TNR: variants seen among roughly 807,000 people sequenced by gnomAD.
TNR encodes the protein tenascin-R.
In TNR, 45 loss-of-function variants were observed where a neutral mutation model predicts 150.4. The observed-to-expected ratio is 0.30, with a 90% CI of 0.24 to 0.38. The LOEUF (loss-of-function observed/expected upper bound fraction) is 0.38, where lower values mean the gene tolerates loss of function less well. Among genes scored for constraint, TNR ranks in the 10% least tolerant of loss-of-function variants. The probability of loss-of-function intolerance (pLI) is 1.00; values close to 1 mark genes in which losing one functional copy is unlikely to be tolerated. For synonymous variants in TNR, 687 were observed against 678.4 expected (o/e 1.01, Z -0.20); for missense variants, 1,544 against 1,759.1 (o/e 0.88, Z 2.19).
At chr1:175,644,650 C>G (rs1043951638) in intron 1 of TNR, among the ~76,000 whole-genome samples, 1 of 152,246 alleles carries the variant, frequency 6.6e-6, no homozygotes, top group African/African-American at 2.4e-5. Flanking sequence ...TTCTATGCAA[C>G]CAGGCTAGGC....
chr1:175,539,371 A>G (rs918148683), intron 1 of TNR, among the ~76,000 whole-genome samples: 13 of 152,220 alleles, frequency 8.5e-5, no homozygotes, highest in Admixed American at 6.5e-4. Flanking sequence ...AGACATGTCC[A>G]CATGGTTTTG....
At chr1:175,576,028 C>T (rs193172925) in intron 1 of TNR, among the ~76,000 whole-genome samples, 17 of 152,244 alleles carry the variant, frequency 1.1e-4, no homozygotes, top group Middle Eastern at 6.8e-3. Flanking sequence ...CTATTTTTTC[C>T]CCTCATTCTC....
chr1:175,706,773 G>A (rs1030810696), intron 1 of TNR, among the ~76,000 whole-genome samples: 7 of 152,034 alleles, frequency 4.6e-5, no homozygotes, highest in African/African-American at 1.7e-4. Flanking sequence ...TACATAAACA[G>A]CCCTTCAAAT....
Position 175,406,752 on chromosome 1 carries a change from A to G in TNR, c.-38T>C. On this transcript the variant is annotated 5_prime_UTR_variant, in exon 3 of 23. Transcript: ENST00000367674. The stretch of plus-strand genomic sequence containing the variant: ...AGATCTGGGTTCAGGACCAGCCTGC[A>G]GCACACAGCATGGAGTTGTGGGAAT... 1 of 1,601,178 alleles carries G rather than the reference A, an allele frequency of 6.2e-7. No individual in the cohort carries two copies. The highest frequency in any genetic ancestry group is 8.5e-7 in the Non-Finnish European group (1 of 1,173,716).
intron 1 of TNR, among the ~76,000 whole-genome samples, chr1:175,616,056 A>G (rs928629926): frequency 2.0e-5 from 3 of 152,368 alleles, no homozygotes; most frequent in East Asian, 3.9e-4. Context: ...TGGCATGTGC[A>G]TAGGCTCTGT....
intron 1 of TNR, among the ~76,000 whole-genome samples, chr1:175,720,692 C>T (rs1035101539): frequency 5.9e-5 from 9 of 152,200 alleles, no homozygotes; most frequent in African/African-American, 2.2e-4. Context: ...TGCAACAAGG[C>T]TTCCAGAGGC....
intron 9 of TNR, 128 bp from the exon 10 acceptor site, chr1:175,367,425 T>C (rs1293229362): frequency 1.7e-5 from 13 of 760,120 alleles, no homozygotes; most frequent in Non-Finnish European, 2.9e-5. Context: ...AATCCTCTCC[T>C]AATTTGAACT....
At chr1:175,615,570 G>A (rs1663747030) in intron 1 of TNR, among the ~76,000 whole-genome samples, 2 of 152,198 alleles carry the variant, frequency 1.3e-5, no homozygotes, top group African/African-American at 4.8e-5. Context: ...GAGCCTATGT[G>A]TCTCCTTACG....
Position 175,599,567 on chromosome 1 carries a change from G to T in TNR, c.-164-71198C>A, listed in dbSNP as rs746349933. On this transcript the variant is annotated intron_variant, in intron 1 of 22. Transcript: ENST00000367674. The surrounding 1 kb of genome is among the most constrained non-coding windows in gnomAD (Gnocchi z 4.7). ...GGGGTCTCTGCTGGGCTAGTGTCCC[G>T]CATCAGCGGTAATGGGGCCGGCCCA... Among the ~76,000 whole-genome samples, 1 of 152,206 alleles carries T rather than the reference G, an allele frequency of 6.6e-6. No individual in the cohort carries two copies. The highest frequency in any genetic ancestry group is 1.9e-4 in the East Asian group (1 of 5,188).
In TNR at chr1:175,403,326, G is replaced by T; in HGVS notation, c.790C>A (p.Leu264Met). Residue 264 changes from leucine to methionine, a missense_variant, in exon 4 of 23, where the codon CTG (leucine) becomes ATG (methionine). Physicochemically the swap from Leu to Met is conservative, Grantham distance 15. Coordinates refer to ENST00000367674, the MANE Select transcript of TNR (RefSeq NM_003285.3). ...EPYTGEDCRE[L>M]RCPGDCSGKG... is the part of the protein sequence containing the mutation. ...CCCGAACAGTCCCCAGGGCACCTCA[G>T]TTCCCTGCAGTCCTCGCCAGTGTAG... 1 of 1,614,150 alleles carries T rather than the reference G, an allele frequency of 6.2e-7. No homozygotes were observed. The highest frequency in any genetic ancestry group is 8.5e-7 in the Non-Finnish European group (1 of 1,180,030).
chr1:175,678,447 A>T (rs1410168511), intron 1 of TNR, among the ~76,000 whole-genome samples: 1 of 152,192 alleles, frequency 6.6e-6, no homozygotes, highest in Non-Finnish European at 1.5e-5. Context: ...TCCCAGTCAC[A>T]TGGGCCAGTC....
At chr1:175,370,898 G>A (rs1652070839) in intron 9 of TNR, among the ~76,000 whole-genome samples, 1 of 152,142 alleles carries the variant, frequency 6.6e-6, no homozygotes. Flanking sequence ...CCAGAAAACT[G>A]CAGAGCAGAA....
chr1:175,557,865 A>G (rs2102206502), intron 1 of TNR, among the ~76,000 whole-genome samples: 1 of 113,030 alleles, frequency 8.8e-6, no homozygotes, highest in African/African-American at 3.3e-5. Flanking sequence ...AAGACTTGGA[A>G]CCAACCCAAA....
At chr1:175,401,560 A>G (rs1653702879) in intron 4 of TNR, among the ~76,000 whole-genome samples, 1 of 152,204 alleles carries the variant, frequency 6.6e-6, no homozygotes, top group Non-Finnish European at 1.5e-5. Context: ...GCTAAATGAA[A>G]TAATTGGATA....
rs553930159 is a variant in TNR at position 175,530,585 on chromosome 1, A to G, written c.-164-2216T>C. Among the ~76,000 whole-genome samples the G allele has an allele frequency of 1.8e-4, 28 of 152,352 alleles. No individual in the cohort carries two copies. The East Asian group carries it at 4.2e-3, about 23-fold the overall frequency. ...AGATATATGGGATGTTTTTGTTTAT[A>G]GTTTTTAACTGAAATACTCTGCAAC... On this transcript the variant is annotated intron_variant, in intron 1 of 22. Coordinates refer to ENST00000367674, the MANE Select transcript of TNR (RefSeq NM_003285.3).
chr1:175,383,915 G>C (rs572995299), intron 8 of TNR, among the ~76,000 whole-genome samples: 2 of 152,284 alleles, frequency 1.3e-5, no homozygotes, highest in South Asian at 4.1e-4. Context: ...GAAGTCAGCC[G>C]CCTGACAGCT....
At chr1:175,582,190 C>T (rs1051135541) in intron 1 of TNR, among the ~76,000 whole-genome samples, 1 of 152,220 alleles carries the variant, frequency 6.6e-6, no homozygotes, top group African/African-American at 2.4e-5. Flanking sequence ...ACTAGACCAT[C>T]AGGCTGAAGC....
intron 1 of TNR, among the ~76,000 whole-genome samples, chr1:175,683,964 G>T (rs769269814): frequency 2.8e-4 from 42 of 152,178 alleles, no homozygotes; most frequent in Non-Finnish European, 8.8e-5. Context: ...GTCCCAAGGT[G>T]GGAAGGGAGC....
intron 2 of TNR, among the ~76,000 whole-genome samples, chr1:175,477,676 A>T (rs1426530076): frequency 6.6e-6 from 1 of 152,226 alleles, no homozygotes; most frequent in Non-Finnish European, 1.5e-5. Context: ...CCAGTCAGGG[A>T]TTAAGTGGAG....
Sources: gnomAD v4.1 joint callset for allele counts (sites outside exome capture counted in the v4.1 genomes callset) on GRCh38, gnomAD v4.1.1 for gene constraint, Gnocchi (gnomAD v3.1) non-coding constraint, MANE v1.5 for transcripts, NCBI Gene and HGNC (gene_info 2026-07-23, HGNC 2026-07-21) for gene names.